The following DLG2 variants were observed in gnomAD, a reference collection of about 807,000 sequenced individuals.
DLG2 encodes discs large MAGUK scaffold protein 2, also known as disks large homolog 2.
DLG2 carries 45 observed loss-of-function variants against 132.5 expected under a neutral mutation model. That is an observed-to-expected ratio of 0.34 (90% CI 0.27 to 0.44). The LOEUF (loss-of-function observed/expected upper bound fraction) is 0.44, where lower values mean the gene tolerates loss of function less well. DLG2 is among the 20% of genes least tolerant of loss of function. DLG2 has a pLI of 1.00. For synonymous variants in DLG2, 424 were observed against 419.6 expected (o/e 1.01, Z -0.13); for missense variants, 1,045 against 1,196.9 (o/e 0.87, Z 1.87).
intron 6 of DLG2, among the ~76,000 whole-genome samples, chr11:84,679,036 T>G (rs1239596567): frequency 6.6e-6 from 1 of 152,090 alleles, no homozygotes; most frequent in East Asian, 1.9e-4. Flanking sequence ...TACAAATGGC[T>G]GTTAAGTTCA....
At chr11:83,486,363 A>AG in intron 21 of DLG2, 4 of 568,334 alleles carry the variant, frequency 7.0e-6, no homozygotes, top group Non-Finnish European at 1.2e-5. Context: ...AAAAAAAAAA[A>AG]TTACACATTT....
intron 3 of DLG2, among the ~76,000 whole-genome samples, chr11:85,557,303 C>T (rs556095283): frequency 6.6e-5 from 10 of 151,756 alleles, no homozygotes; most frequent in Admixed American, 2.0e-4. Context: ...AAGAAAATTA[C>T]GGATGACACA....
chr11:85,411,364 C>G (rs987294664), intron 3 of DLG2, among the ~76,000 whole-genome samples: 1 of 151,816 alleles, frequency 6.6e-6, no homozygotes, highest in Non-Finnish European at 1.5e-5. Flanking sequence ...CAAAAGTAGT[C>G]TATGAGTCTC....
At chr11:83,497,535 AAAAAC>A (rs534886503) in intron 21 of DLG2, among the ~76,000 whole-genome samples, 2 of 69,300 alleles carry the variant, frequency 2.9e-5, no homozygotes, top group Admixed American at 1.3e-4. Context: ...ACTTCGTCTC[AAAAAC>A]AAAAAACAAA....
At chr11:84,974,671 G>C (rs184457444) in intron 6 of DLG2, among the ~76,000 whole-genome samples, 1 of 152,292 alleles carries the variant, frequency 6.6e-6, no homozygotes, top group African/African-American at 2.4e-5. Context: ...CTACCCCACT[G>C]TGTCTAGTTC....
chr11:83,535,151 G>A (rs1369998118), intron 20 of DLG2, among the ~76,000 whole-genome samples: 2 of 152,062 alleles, frequency 1.3e-5, no homozygotes, highest in Non-Finnish European at 2.9e-5. Flanking sequence ...TTAATCCAAG[G>A]GCAAATGATA....
chr11:85,070,525 A>G (rs1436851826), intron 6 of DLG2, among the ~76,000 whole-genome samples: 1 of 151,792 alleles, frequency 6.6e-6, no homozygotes, highest in East Asian at 1.9e-4. Context: ...CCAATGCACA[A>G]TATATTCATG....
chr11:85,517,397 C>A (rs1207063503), intron 3 of DLG2, among the ~76,000 whole-genome samples: 4 of 152,106 alleles, frequency 2.6e-5, no homozygotes, highest in African/African-American at 4.8e-5. Context: ...ACTTTCACCA[C>A]TCCTGTTCAA....
chr11:85,138,819 T>A (rs2152426336), intron 5 of DLG2, among the ~76,000 whole-genome samples: 2 of 137,212 alleles, frequency 1.5e-5, no homozygotes, highest in East Asian at 4.7e-4. Context: ...AGTGGAACTA[T>A]AAGTCCAATT....
chr11:84,675,866 C>A (rs1041867577), intron 6 of DLG2, among the ~76,000 whole-genome samples: 2 of 152,054 alleles, frequency 1.3e-5, no homozygotes, highest in African/African-American at 4.8e-5. Flanking sequence ...TGCACAGGGA[C>A]TCTGGCCTCT....
chr11:84,185,484 G>A (rs891087407), intron 8 of DLG2, among the ~76,000 whole-genome samples: 2 of 152,132 alleles, frequency 1.3e-5, no homozygotes, highest in East Asian at 3.9e-4. Flanking sequence ...GAGACGACGG[G>A]GTTTTCTAGA....
At chr11:84,777,699 G>A (rs529863505) in intron 6 of DLG2, among the ~76,000 whole-genome samples, 1 of 151,912 alleles carries the variant, frequency 6.6e-6, no homozygotes, top group African/African-American at 2.4e-5. Flanking sequence ...GTTTTAATTT[G>A]CTTTTCTTGA....
chr11:85,290,335 CTAATG>C (rs2078815343), intron 3 of DLG2, among the ~76,000 whole-genome samples: 2 of 152,060 alleles, frequency 1.3e-5, no homozygotes, highest in African/African-American at 4.8e-5. Context: ...TTTACAAACT[CTAATG>C]TACACAAAAA....
chr11:85,438,978 T>C (rs1426144638), intron 3 of DLG2, among the ~76,000 whole-genome samples: 3 of 152,228 alleles, frequency 2.0e-5, no homozygotes, highest in Non-Finnish European at 2.9e-5. Flanking sequence ...CTACGCAGCA[T>C]AATTCCCTGA....
intron 3 of DLG2, among the ~76,000 whole-genome samples, chr11:85,528,071 A>G (rs2074918598): frequency 3.9e-5 from 6 of 152,090 alleles, no homozygotes; most frequent in Admixed American, 3.9e-4. Context: ...TTCTTTGTAG[A>G]TTCTGGATAT....
intron 11 of DLG2, among the ~76,000 whole-genome samples, chr11:84,004,325 AAGCAC>A (rs1565999136): frequency 1.3e-5 from 2 of 152,170 alleles, no homozygotes; most frequent in South Asian, 4.1e-4. Context: ...CAACAGAAGG[AAGCAC>A]AAGAATCATA....
intron 9 of DLG2, among the ~76,000 whole-genome samples, chr11:84,104,218 T>C (rs545564298): frequency 1.5e-4 from 23 of 152,204 alleles, no homozygotes; most frequent in Non-Finnish European, 2.9e-4. Context: ...ATGTGGTACA[T>C]ATATACCATG....
At chr11:83,655,119 C>T (rs1248024601) in intron 18 of DLG2, among the ~76,000 whole-genome samples, 1 of 152,182 alleles carries the variant, frequency 6.6e-6, no homozygotes, top group African/African-American at 2.4e-5. Context: ...CATTTACTCT[C>T]CAGTTGTATT....
chr11:83,921,857 T>A (rs1210841320), intron 15 of DLG2, among the ~76,000 whole-genome samples: 1 of 152,158 alleles, frequency 6.6e-6, no homozygotes, highest in African/African-American at 2.4e-5. Flanking sequence ...TTAACTTTTT[T>A]TTAAAAAGCT....
Sources: allele counts gnomAD v4.1 joint callset (sites outside exome capture counted in the v4.1 genomes callset), GRCh38; gene constraint gnomAD v4.1.1; transcripts MANE v1.5; gene names NCBI Gene and HGNC (gene_info 2026-07-23, HGNC 2026-07-21).